The following ASPH variants were observed in gnomAD, a reference collection of about 807,000 sequenced individuals.
ASPH encodes aspartyl/asparaginyl beta-hydroxylase.
In ASPH, 100 loss-of-function variants were observed where a neutral mutation model predicts 118.4. The observed-to-expected ratio is 0.84, with a 90% CI of 0.72 to 1.00. The LOEUF is 1.00. Among genes scored for constraint, ASPH ranks in the 50% least tolerant of loss-of-function variants. The pLI, the probability that ASPH is intolerant of heterozygous loss-of-function variation, is 0.00. For missense variants in ASPH, 920 were observed against 919.5 expected, an observed-to-expected ratio of 1.00 and a Z score of -0.01; for synonymous variants, 315 against 325.6, an observed-to-expected ratio of 0.97 and a Z score of 0.35.
At chr8:61,550,960 T>C (rs1478091143) in intron 20 of ASPH, among the ~76,000 whole-genome samples, 1 of 152,038 alleles carries the variant, frequency 6.6e-6, no homozygotes, top group Non-Finnish European at 1.5e-5. Context: ...CAAATCTTGA[T>C]CCTGGGAAGA....
intron 21 of ASPH, among the ~76,000 whole-genome samples, chr8:61,528,994 T>C (rs1816556549): frequency 1.3e-5 from 2 of 152,224 alleles, no homozygotes; most frequent in African/African-American, 2.4e-5. Context: ...GTCGCTTATT[T>C]TCTCTTTTGA....
At chr8:61,591,984 T>C (rs1382311726) in intron 14 of ASPH, among the ~76,000 whole-genome samples, 1 of 152,220 alleles carries the variant, frequency 6.6e-6, no homozygotes, top group African/African-American at 2.4e-5. Flanking sequence ...ATAGTAATTT[T>C]CCTTCATTTT....
chr8:61,643,387 TG>T lies in ASPH; in HGVS notation c.755del (p.Thr252LysfsTer4), dbSNP rs1806216283. On this transcript the variant is annotated frameshift_variant and splice_region_variant, in exon 9 of 25. Transcript: ENST00000379454. LOFTEE classifies it high-confidence loss of function. ...CTAATGAAAATGCTCATCTAATACC[TG>T]TATCATGGTGCAATCTTTCATCTTC... The part of the protein sequence containing the change: ...VVEDERLHHD[T>X]DDVTYQVYEE... 6.2e-7 allele frequency: 1 copy of T among 1,605,284 alleles called. No homozygotes were observed. The highest frequency in any genetic ancestry group is 1.7e-5 in the Admixed American group (1 of 59,844).
At chr8:61,580,415 G>A (rs1318584276) in intron 15 of ASPH, among the ~76,000 whole-genome samples, 1 of 152,190 alleles carries the variant, frequency 6.6e-6, no homozygotes, top group Non-Finnish European at 1.5e-5. Flanking sequence ...CTAGGCAGAG[G>A]TTCCCAAACC....
chr8:61,572,768 CA>C (rs1317702693), intron 16 of ASPH, among the ~76,000 whole-genome samples: 1 of 152,056 alleles, frequency 6.6e-6, no homozygotes, highest in Non-Finnish European at 1.5e-5. Context: ...ACTCAGTAAC[CA>C]AAGCAAACTT....
intron 1 of ASPH, among the ~76,000 whole-genome samples, chr8:61,687,200 G>A (rs903264582): frequency 3.3e-5 from 5 of 152,114 alleles, no homozygotes; most frequent in Admixed American, 6.6e-5. Flanking sequence ...GGGAAATGGA[G>A]GAGAAAAATT....
At chr8:61,704,194 CAAAAAAAAAAAAAAAAAAAAA>C (rs61553495) in intron 1 of ASPH, among the ~76,000 whole-genome samples, 183 of 40,442 alleles carry the variant, frequency 4.5e-3, no homozygotes, top group African/African-American at 0.021. Flanking sequence ...GACTCCGTCT[CAAAAAAAAAAAAAAAAAAAAA>C]AAAAAAAAAA....
intron 15 of ASPH, among the ~76,000 whole-genome samples, chr8:61,582,567 A>C (rs1046935847): frequency 6.6e-6 from 1 of 152,244 alleles, no homozygotes; most frequent in Non-Finnish European, 1.5e-5. Flanking sequence ...GGTTAGATTT[A>C]AGGGAAGTGA....
At chr8:61,663,566 T>G in intron 3 of ASPH, 1 of 985,414 alleles carries the variant, frequency 1.0e-6, no homozygotes, top group Non-Finnish European at 1.2e-6. Context: ...TCTAGTCATC[T>G]GAAGTTAGTG....
At chr8:61,524,049 C>T (rs1814287694) in intron 22 of ASPH, among the ~76,000 whole-genome samples, 1 of 152,136 alleles carries the variant, frequency 6.6e-6, no homozygotes, top group Non-Finnish European at 1.5e-5. Context: ...CCATTGCACG[C>T]CAACCTGGGC....
intron 10 of ASPH, among the ~76,000 whole-genome samples, chr8:61,639,768 C>G (rs138705450): frequency 4.7e-4 from 71 of 152,230 alleles, no homozygotes; most frequent in African/African-American, 1.7e-3. Flanking sequence ...TCTCAGATGC[C>G]TCAAAGAAAT....
chr8:61,662,412 T>A (rs1234917881), intron 3 of ASPH, among the ~76,000 whole-genome samples: 1 of 152,202 alleles, frequency 6.6e-6, no homozygotes, highest in Non-Finnish European at 1.5e-5. Flanking sequence ...GTATTGTGAA[T>A]TTTTTGTCCC....
At chr8:61,547,930 C>A (rs915998797) in intron 21 of ASPH, 141 bp downstream of exon 21, 1 of 1,227,030 alleles carries the variant, frequency 8.1e-7, no homozygotes, top group Admixed American at 2.7e-5. Context: ...GATGACAATT[C>A]TTTTTCCATT....
At chr8:61,674,223 A>G (rs1277793476) in intron 3 of ASPH, among the ~76,000 whole-genome samples, 1 of 152,230 alleles carries the variant, frequency 6.6e-6, no homozygotes, top group African/African-American at 2.4e-5. Flanking sequence ...GTGGGGCTGA[A>G]GATTCCTTTA....
intron 12 of ASPH, among the ~76,000 whole-genome samples, chr8:61,634,066 C>T (rs1453073390): frequency 6.6e-6 from 1 of 152,218 alleles, no homozygotes; most frequent in African/African-American, 2.4e-5. Flanking sequence ...TGTGGAAAGA[C>T]ACTTAAAGTA....
chr8:61,578,303 G>C, intron 15 of ASPH: 3 of 1,597,860 alleles, frequency 1.9e-6, no homozygotes, highest in Non-Finnish European at 8.5e-7. Flanking sequence ...ACACGAGTGG[G>C]CCCGGTGCCC....
chr8:61,706,693 C>T (rs1836788524), intron 1 of ASPH, among the ~76,000 whole-genome samples: 1 of 151,968 alleles, frequency 6.6e-6, no homozygotes, highest in Non-Finnish European at 1.5e-5. Context: ...AGGAAAGGTC[C>T]CAAAGCAGCA....
At chr8:61,653,044 A>T (rs958074128) in intron 4 of ASPH, among the ~76,000 whole-genome samples, 5 of 152,178 alleles carry the variant, frequency 3.3e-5, no homozygotes, top group African/African-American at 1.2e-4. Context: ...TTTCCTACCT[A>T]TAGTCATAGG....
chr8:61,672,078 G>T (rs1278146990), intron 3 of ASPH, among the ~76,000 whole-genome samples: 1 of 152,144 alleles, frequency 6.6e-6, no homozygotes, highest in Admixed American at 6.5e-5. Context: ...TTTCAACATT[G>T]ACTACAAATA....
Sources: allele counts gnomAD v4.1 joint callset (sites outside exome capture counted in the v4.1 genomes callset), GRCh38; gene constraint gnomAD v4.1.1; transcripts MANE v1.5; gene names NCBI Gene and HGNC (gene_info 2026-07-23, HGNC 2026-07-21).